The following DYRK1A variants were observed in gnomAD, a reference collection of about 807,000 sequenced individuals.
DYRK1A encodes the protein dual specificity tyrosine phosphorylation regulated kinase 1A, also known as dual specificity tyrosine-phosphorylation-regulated kinase 1A.
Under a neutral mutation model 79.7 loss-of-function variants are expected in DYRK1A, and 9 were observed. The ratio of observed to expected loss-of-function variants is 0.11; its 90% CI spans 0.07 to 0.20. The LOEUF (loss-of-function observed/expected upper bound fraction) is 0.20. Among genes scored for constraint, DYRK1A ranks in the 10% least tolerant of loss-of-function variants. DYRK1A has a pLI of 1.00. For synonymous variants in DYRK1A, 349 were observed against 329.7 expected, an observed-to-expected ratio of 1.06 and a Z score of -0.63; for missense variants, 622 against 956.0, an observed-to-expected ratio of 0.65 and a Z score of 4.61.
At chr21:37,479,606 GTTTTTGTT>G (rs2052539728) in intron 4 of DYRK1A, among the ~76,000 whole-genome samples, 1 of 27,592 alleles carries the variant, frequency 3.6e-5, no homozygotes, top group African/African-American at 1.5e-4. Flanking sequence ...TTTTGTTTTT[GTTTTTGTT>G]TTTTGTTTTT....
At chr21:37,365,809 G>C (rs539082067), upstream of DYRK1A, 1 of 152,490 alleles carries the variant, frequency 6.6e-6, no homozygotes, top group African/African-American at 2.4e-5. Flanking sequence ...GCATTCCGAT[G>C]GAGCAGGCAG....
chr21:37,460,840 A>C (rs995098848), intron 2 of DYRK1A, among the ~76,000 whole-genome samples: 4 of 152,192 alleles, frequency 2.6e-5, no homozygotes, highest in Admixed American at 2.6e-4. Context: ...ATTATTTAAA[A>C]TATTTTATAA....
intron 2 of DYRK1A, among the ~76,000 whole-genome samples, chr21:37,446,228 A>G (rs1026059350): frequency 1.3e-5 from 2 of 152,166 alleles, no homozygotes; most frequent in African/African-American, 4.8e-5. Context: ...CAACGCTCTC[A>G]TTTTGCATGT....
rs986126901 is a variant in DYRK1A, at chr21:37,367,004, G to GCTGCTGCTGTTC, written c.-691_-680dup. On this transcript the variant is annotated 5_prime_UTR_variant, in exon 1 of 12. Transcript: ENST00000647188. ...TGCGGGCGCCGCCGCCGCCGCTTCT[G>GCTGCTGCTGTTC]CTGCTGCTGTTCCTGCTGCTGCTGT... 1.2e-5 allele frequency: 2 copies of GCTGCTGCTGTTC among 164,780 alleles called. No homozygotes were observed. The highest frequency in any genetic ancestry group is 2.6e-5 in the Non-Finnish European group (2 of 76,336). 10.2% of individuals were successfully genotyped at this position (164,780 alleles called of 1,614,324 possible).
intron 1 of DYRK1A, among the ~76,000 whole-genome samples, chr21:37,390,354 A>AAG (rs1367052943): frequency 3.3e-5 from 5 of 152,284 alleles, no homozygotes; most frequent in African/African-American, 9.6e-5. Context: ...TGTTGGCATG[A>AAG]AGTCCATTAT....
chr21:37,378,662 A>G (rs1008596692), intron 1 of DYRK1A, among the ~76,000 whole-genome samples: 27 of 152,246 alleles, frequency 1.8e-4, no homozygotes, highest in African/African-American at 6.3e-4. Flanking sequence ...AATTGAGTGA[A>G]CATTTGCATG....
chr21:37,487,195 T>C (rs571457235), intron 6 of DYRK1A: 1 of 152,186 alleles, frequency 6.6e-6, no homozygotes, highest in Non-Finnish European at 1.5e-5. Context: ...AGGAAGATGG[T>C]AGAATCCTTA....
At position 37,512,821 on chromosome 21, in the gene DYRK1A, A is replaced by G. The variant is rs369120549; in HGVS notation, c.*290A>G. ...CACAGTGGGGTTTTTTTGTCTTTCT[A>G]TTCAGCAAAAGTTAATATTCAGATG... On this transcript the variant is annotated 3_prime_UTR_variant, in exon 12 of 12. Coordinates refer to ENST00000647188, the MANE Select transcript of DYRK1A (RefSeq NM_001347721.2). The G allele has an allele frequency of 1.3e-5, 5 of 376,356 alleles. No homozygotes were observed. The highest frequency in any genetic ancestry group is 2.4e-5 in the Non-Finnish European group (5 of 209,570). The allele number at this position is 376,356 out of a possible 1,614,324, so 23.3% of individuals were successfully genotyped here.
At chr21:37,421,497 A>C (rs1240084071) in intron 2 of DYRK1A, among the ~76,000 whole-genome samples, 1 of 152,138 alleles carries the variant, frequency 6.6e-6, no homozygotes, top group Non-Finnish European at 1.5e-5. Flanking sequence ...ACCGATGTTA[A>C]TTCTTGTTTA....
chr21:37,473,966 C>A (rs1409067033), intron 3 of DYRK1A, among the ~76,000 whole-genome samples: 1 of 152,176 alleles, frequency 6.6e-6, no homozygotes, highest in Non-Finnish European at 1.5e-5. Flanking sequence ...ATAATAATAA[C>A]ACGATGATCC....
rs56226706 is a variant in DYRK1A at position 37,495,152 on chromosome 21, T to TTGTGTG, written c.1072-921_1072-916dup. On this transcript the variant is annotated intron_variant, in intron 8 of 11. Coordinates refer to ENST00000647188, the MANE Select transcript of DYRK1A (RefSeq NM_001347721.2). The stretch of plus-strand genomic sequence containing the variant: ...CATACTTTATTAAGCCTCTGGGATT[T>TTGTGTG]TGTGTGTGTGTGTGTGTGTGTGTGT... Among the ~76,000 whole-genome samples, 747 of 137,704 alleles carry TTGTGTG rather than the reference T, an allele frequency of 5.4e-3. 5 individuals are homozygous for TTGTGTG. Among genetic ancestry groups the TTGTGTG allele is most frequent in the Non-Finnish European group, 6.2e-3 (396 of 64,064 alleles). The allele number at this position is 137,704 out of a possible 152,430, so 90.3% of individuals were successfully genotyped here.
chr21:37,398,163 T>TGC (rs2049991574), intron 1 of DYRK1A, among the ~76,000 whole-genome samples: 1 of 149,142 alleles, frequency 6.7e-6, no homozygotes, highest in African/African-American at 2.5e-5. Context: ...CCCTGCAGTG[T>TGC]ACACACACAC....
intron 1 of DYRK1A, among the ~76,000 whole-genome samples, chr21:37,407,907 A>G (rs2050177375): frequency 6.6e-6 from 1 of 152,122 alleles, no homozygotes; most frequent in Non-Finnish European, 1.5e-5. Flanking sequence ...TGTGTCGATC[A>G]CTCAAAACTA....
chr21:37,461,461 A>ATG (rs1284547260), intron 2 of DYRK1A, among the ~76,000 whole-genome samples: 1 of 152,156 alleles, frequency 6.6e-6, no homozygotes, highest in Non-Finnish European at 1.5e-5. Context: ...ATCTACATAC[A>ATG]TATTTACATT....
intron 1 of DYRK1A, among the ~76,000 whole-genome samples, chr21:37,385,998 T>C (rs1321392741): frequency 6.6e-6 from 1 of 152,164 alleles, no homozygotes; most frequent in Admixed American, 6.5e-5. Flanking sequence ...TTTATTAAGC[T>C]TGCCCTGAGC....
In DYRK1A at chr21:37,524,698, G is replaced by A. The variant is rs543016325; in HGVS notation, c.*12167G>A. The A allele has an allele frequency of 6.6e-5, 10 of 152,312 alleles. No individual in the cohort carries two copies. Among genetic ancestry groups the A allele is most frequent in the Admixed American group, 4.6e-4 (7 of 15,304 alleles). 9.4% of individuals were successfully genotyped at this position (152,312 alleles called of 1,614,324 possible). On this transcript the variant is annotated 3_prime_UTR_variant, in exon 12 of 12. Transcript: ENST00000647188. ...CACCATATGTTATGCACACTGCTCC[G>A]CTATTGCTCTTTATTTGAGGAGCCA...
At chr21:37,412,531 G>A (rs138096820) in intron 1 of DYRK1A, among the ~76,000 whole-genome samples, 1 of 152,232 alleles carries the variant, frequency 6.6e-6, no homozygotes, top group Non-Finnish European at 1.5e-5. Flanking sequence ...TAGGGAACCT[G>A]CCCTAGAGTT....
intron 1 of DYRK1A, among the ~76,000 whole-genome samples, chr21:37,386,076 G>T (rs537550651): frequency 4.6e-5 from 7 of 152,220 alleles, no homozygotes; most frequent in South Asian, 2.1e-4. Flanking sequence ...GATGAAACAA[G>T]CTTAGAGGTG....
chr21:37,383,745 T>C (rs2049704985), intron 1 of DYRK1A, among the ~76,000 whole-genome samples: 2 of 152,074 alleles, frequency 1.3e-5, no homozygotes, highest in Admixed American at 1.3e-4. Context: ...TTGTAAGATG[T>C]AGAGTAAACA....
Sources: gnomAD v4.1 joint callset for allele counts (sites outside exome capture counted in the v4.1 genomes callset) on GRCh38, gnomAD v4.1.1 for gene constraint, MANE v1.5 for transcripts, NCBI Gene and HGNC (gene_info 2026-07-23, HGNC 2026-07-21) for gene names.